Variants in STAC2 observed in about 807,000 individuals in gnomAD.
STAC2 encodes SH3 and cysteine rich domain 2.
STAC2 carries 36 observed loss-of-function variants against 49.0 expected under a neutral mutation model. That is an observed-to-expected ratio of 0.74 (90% CI 0.56 to 0.97). The LOEUF (loss-of-function observed/expected upper bound fraction) is 0.97. Ranked by LOEUF, STAC2 falls within the 50% of genes least tolerant of loss-of-function variation. The probability of loss-of-function intolerance (pLI) is 0.00; values close to 1 mark genes in which losing one functional copy is unlikely to be tolerated. For synonymous variants in STAC2, 239 were observed against 214.7 expected, an observed-to-expected ratio of 1.11 and a Z score of -0.99; for missense variants, 527 against 543.8, an observed-to-expected ratio of 0.97 and a Z score of 0.31.
At chr17:39,216,019 T>G (rs2046398995) in intron 4 of STAC2, among the ~76,000 whole-genome samples, 1 of 152,158 alleles carries the variant, frequency 6.6e-6, no homozygotes, top group Non-Finnish European at 1.5e-5. Context: ...CTCCCTGTCC[T>G]TCCTTTCTCA....
intron 1 of STAC2, among the ~76,000 whole-genome samples, chr17:39,221,430 T>C (rs1239417263): frequency 6.6e-6 from 1 of 152,178 alleles, no homozygotes; most frequent in Non-Finnish European, 1.5e-5. Flanking sequence ...AATAAAAGGC[T>C]CTAGGTCCAA....
At position 39,210,650 on chromosome 17, in the gene STAC2, G is replaced by C. The variant is rs542362488; in HGVS notation, c.*1642C>G. 7 of 152,694 alleles carry C rather than the reference G, an allele frequency of 4.6e-5. No individual in the cohort carries two copies. The highest frequency in any genetic ancestry group is 7.2e-5 in the African/African-American group (3 of 41,442). The allele number at this position is 152,694 out of a possible 1,614,324, so 9.5% of individuals were successfully genotyped here. On this transcript the variant is annotated 3_prime_UTR_variant, in exon 11 of 11. Coordinates refer to ENST00000333461, the MANE Select transcript of STAC2 (RefSeq NM_198993.5). ...GGCCCGCCCCTGGGATATTGCTGGG[G>C]GGGGGGGCCTCATGGCAGCAAACAG...
intron 3 of STAC2, 44 bp downstream of exon 3, chr17:39,217,032 C>T: frequency 4.4e-6 from 7 of 1,608,812 alleles, no homozygotes; most frequent in Non-Finnish European, 6.0e-6. Context: ...TGTGACAGTA[C>T]TGGCAGCACT....
chr17:39,218,245 G>A, intron 1 of STAC2, 72 bp from the exon 2 acceptor site: 1 of 1,527,120 alleles, frequency 6.5e-7, no homozygotes, highest in Non-Finnish European at 9.0e-7. Flanking sequence ...CCTTCAGGGT[G>A]TCTCTGGCGG....
chr17:39,214,669 A>C, intron 7 of STAC2, 122 bp downstream of exon 7: 1 of 1,270,878 alleles, frequency 7.9e-7, no homozygotes, highest in Non-Finnish European at 1.1e-6. Context: ...ATCCCTGAGG[A>C]TAAGTGAGGA....
Position 39,211,576 on chromosome 17 carries a change from A to AG in STAC2, c.*715_*716insC, listed in dbSNP as rs1163825185. On this transcript the variant is annotated 3_prime_UTR_variant, in exon 11 of 11. Transcript: ENST00000333461. ...GCTGGGATTACAGGCATGAGCCACC[A>AG]CACCTGGCCAGCTCTTGGGTTTTCT... The AG allele has an allele frequency of 6.6e-6, 1 of 152,450 alleles. No homozygotes were observed. The highest frequency in any genetic ancestry group is 1.5e-5 in the Non-Finnish European group (1 of 68,106). The allele number at this position is 152,450 out of a possible 1,614,324, so 9.4% of individuals were successfully genotyped here. A position where few individuals can be genotyped will look rare whatever the true frequency, so the allele number is the denominator to read the frequency against.
Position 39,211,820 on chromosome 17 carries a change from C to A in STAC2, c.*472G>T, listed in dbSNP as rs1363732565. ...TGGAGGGCCGAGGACACAAAAAGGC[C>A]TGCTCCCAAGACCCCACTTGCAAAG... On this transcript the variant is annotated 3_prime_UTR_variant, in exon 11 of 11. Transcript: ENST00000333461. The A allele has an allele frequency of 6.5e-6, 1 of 153,146 alleles. No homozygotes were observed. The allele number at this position is 153,146 out of a possible 1,614,324, so 9.5% of individuals were successfully genotyped here.
intron 7 of STAC2, 199 bp from the exon 8 acceptor site, chr17:39,214,529 C>A (rs1182501835): frequency 1.1e-6 from 1 of 892,214 alleles, no homozygotes; most frequent in Non-Finnish European, 1.3e-6. Flanking sequence ...GAGAGGGGAG[C>A]CCCCTTCTGC....
rs1390576176 is a variant in STAC2, at chr17:39,218,243, G to T, written c.91-70C>A. 1.7e-5 allele frequency: 27 copies of T among 1,552,190 alleles called. No individual in the cohort carries two copies. In the East Asian group the frequency reaches 4.7e-4, roughly 27 times the overall value. On this transcript the variant is annotated intron_variant, in intron 1 of 10. Transcript: ENST00000333461. Reference sequence around the variant, plus strand: ...TGGCCAGGGCGGGCTTCCCTTCAGGGTGTCTCTGGCGGTAGGGGCGGCAGC... The same window carrying T: ...TGGCCAGGGCGGGCTTCCCTTCAGGTTGTCTCTGGCGGTAGGGGCGGCAGC...
At position 39,210,649 on chromosome 17, in the gene STAC2, G is replaced by A. The variant is rs114255428; in HGVS notation, c.*1643C>T. On this transcript the variant is annotated 3_prime_UTR_variant, in exon 11 of 11. Transcript: ENST00000333461. ...GGGCCCGCCCCTGGGATATTGCTGG[G>A]GGGGGGGGCCTCATGGCAGCAAACA... The A allele has an allele frequency of 6.6e-6, 1 of 152,336 alleles. No homozygotes were observed. Among genetic ancestry groups the A allele is most frequent in the Non-Finnish European group, 1.5e-5 (1 of 68,098 alleles). 9.4% of individuals were successfully genotyped at this position (152,336 alleles called of 1,614,324 possible). A position where few individuals can be genotyped will look rare whatever the true frequency, so the allele number is the denominator to read the frequency against.
Position 39,225,796 on chromosome 17 carries a change from G to T in STAC2, c.-294C>A, listed in dbSNP as rs2046508923. On this transcript the variant is annotated 5_prime_UTR_variant, in exon 1 of 11. Transcript: ENST00000333461. The surrounding 1 kb of genome is among the most constrained non-coding windows in gnomAD (Gnocchi z 8.2). ...GCGGGGAGGAGGGAAGTGGGGCCGC[G>T]GGGATGAGCCGAGGGAGGGAGCCAA... The T allele has an allele frequency of 7.0e-6, 3 of 430,354 alleles. No individual in the cohort carries two copies. The highest frequency in any genetic ancestry group is 6.9e-5 in the South Asian group (3 of 43,760). 26.7% of individuals were successfully genotyped at this position (430,354 alleles called of 1,614,324 possible). A position where few individuals can be genotyped will look rare whatever the true frequency, so the allele number is the denominator to read the frequency against.
In STAC2 at chr17:39,218,147, G is replaced by A. The variant is rs1225696751; in HGVS notation, c.117C>T (p.Ser39=). The part of the protein sequence containing the change: ...TKLQRFKRSL[S]LKTILRSKSL... ...TCTTACTTCGGAGGATGGTCTTGAG[G>A]GAGAGGGAGCGCTTGAATCGCTGGA... is the stretch of plus-strand genomic sequence containing the variant. The change falls in exon 2 of 11, where the codon TCC becomes TCT. Residue 39 remains serine (S), a synonymous_variant. Coordinates refer to ENST00000333461, the MANE Select transcript of STAC2 (RefSeq NM_198993.5). The A allele has an allele frequency of 1.9e-6, 3 of 1,613,540 alleles. No homozygotes were observed. The highest frequency in any genetic ancestry group is 2.2e-5 in the East Asian group (1 of 44,892).
intron 1 of STAC2, among the ~76,000 whole-genome samples, chr17:39,220,735 G>T (rs929443400): frequency 2.6e-5 from 4 of 152,078 alleles, no homozygotes; most frequent in Non-Finnish European, 4.4e-5. Flanking sequence ...GCCTCCCAAA[G>T]TGTTGGGATT....
In STAC2 at chr17:39,213,671, TC is replaced by T. The variant is rs377486453; in HGVS notation, c.942-114del. On this transcript the variant is annotated intron_variant, in intron 8 of 10. Coordinates refer to ENST00000333461, the MANE Select transcript of STAC2 (RefSeq NM_198993.5). ...GCAGTCCTCAGCTGGGAGAGACGAT[TC>T]TTTTTTTTTTTTTTTTTTTTTTAAG... 1.1e-3 allele frequency: 818 copies of T among 723,460 alleles called. 8 individuals are homozygous for T. Among genetic ancestry groups the T allele is most frequent in the African/African-American group, 9.1e-3 (468 of 51,472 alleles). The allele number at this position is 723,460 out of a possible 1,614,324, so 44.8% of individuals were successfully genotyped here. A position where few individuals can be genotyped will look rare whatever the true frequency, so the allele number is the denominator to read the frequency against.
chr17:39,222,237 G>A lies in STAC2; in HGVS notation c.90+3176C>T, dbSNP rs557758737. Reference sequence around the variant, plus strand: ...CAAGTCTCCCTACCCTCCAGGCTGTGTCCTTTCCTGGTACCCCTTGGTCTC... The same window carrying A: ...CAAGTCTCCCTACCCTCCAGGCTGTATCCTTTCCTGGTACCCCTTGGTCTC... On this transcript the variant is annotated intron_variant, in intron 1 of 10. Coordinates refer to ENST00000333461, the MANE Select transcript of STAC2 (RefSeq NM_198993.5). Among the ~76,000 whole-genome samples, 5 of 152,266 alleles carry A rather than the reference G, an allele frequency of 3.3e-5. No homozygotes were observed. The East Asian group carries it at 9.7e-4, about 29-fold the overall frequency.
At chr17:39,213,667 C>G in intron 8 of STAC2, 109 bp from the exon 9 acceptor site, 3 of 631,490 alleles carry the variant, frequency 4.8e-6, no homozygotes, top group Non-Finnish European at 7.8e-6. Context: ...CTGGGAGAGA[C>G]GATTCTTTTT....
chr17:39,216,328 C>A (rs567739590), intron 4 of STAC2, among the ~76,000 whole-genome samples: 1 of 152,148 alleles, frequency 6.6e-6, no homozygotes, highest in Non-Finnish European at 1.5e-5. Flanking sequence ...CCACTTAAGG[C>A]GCTCATGCTG....
intron 3 of STAC2, 39 bp from the exon 4 acceptor site, chr17:39,216,939 T>C (rs959354331): frequency 1.3e-6 from 2 of 1,582,978 alleles, no homozygotes; most frequent in African/African-American, 1.3e-5. Context: ...GAGGAGGTCA[T>C]GGCCTATGGA....
rs376570506 is a variant in STAC2, at chr17:39,215,824, T to C, written c.587-594A>G. On this transcript the variant is annotated intron_variant, in intron 4 of 10. Coordinates refer to ENST00000333461, the MANE Select transcript of STAC2 (RefSeq NM_198993.5). ...GTTCAAGCAATTCTCCTGCCTCAGC[T>C]GGGATTACAGGAGCCTGACACCACA... Among the ~76,000 whole-genome samples, 85 of 151,756 alleles carry C rather than the reference T, an allele frequency of 5.6e-4. 1 individual carries two copies. The South Asian group carries it at 0.018, about 31-fold the overall frequency.
Sources: allele counts gnomAD v4.1 joint callset (sites outside exome capture counted in the v4.1 genomes callset), GRCh38; gene constraint gnomAD v4.1.1; non-coding constraint Gnocchi (gnomAD v3.1); transcripts MANE v1.5; gene names NCBI Gene and HGNC (gene_info 2026-07-23, HGNC 2026-07-21).